Variants in TRANK1 observed in about 807,000 individuals in gnomAD.
TRANK1 encodes the protein tetratricopeptide repeat and ankyrin repeat containing 1, also known as TPR and ankyrin repeat-containing protein 1.
A neutral mutation model predicts 266.0 loss-of-function variants in TRANK1; 198 were observed. The ratio of observed to expected loss-of-function variants is 0.74; its 90% CI spans 0.66 to 0.84. The LOEUF (loss-of-function observed/expected upper bound fraction) is 0.84. Ranked by LOEUF, TRANK1 falls within the 40% of genes least tolerant of loss-of-function variation. TRANK1 has a pLI of 0.00. For synonymous variants in TRANK1, 1,396 were observed against 1,384.1 expected (o/e 1.01, Z -0.19); for missense variants, 3,326 against 3,634.6 (o/e 0.92, Z 2.18).
chr3:36,875,343 GAGGCAGGACA>G (rs1385234063), intron 8 of TRANK1, among the ~76,000 whole-genome samples: 3 of 152,204 alleles, frequency 2.0e-5, no homozygotes, highest in Non-Finnish European at 4.4e-5. Flanking sequence ...GAAGATACAA[GAGGCAGGACA>G]AGGAATGTGT....
intron 10 of TRANK1, among the ~76,000 whole-genome samples, chr3:36,864,019 G>A (rs2079179055): frequency 6.6e-6 from 1 of 152,126 alleles, no homozygotes; most frequent in African/African-American, 2.4e-5. Flanking sequence ...ACATTAGCCA[G>A]TATCTACAGA....
At chr3:36,927,704 G>C (rs1320125442) in intron 1 of TRANK1, among the ~76,000 whole-genome samples, 1 of 152,236 alleles carries the variant, frequency 6.6e-6, no homozygotes, top group Non-Finnish European at 1.5e-5. Flanking sequence ...TGACAGTGCA[G>C]ATCTAGAGAA....
In TRANK1 at chr3:36,903,980, AC is replaced by A. The variant is rs769218820; in HGVS notation, c.156-706del. On this transcript the variant is annotated intron_variant, in intron 2 of 23. Transcript: ENST00000645898. ...TTCTTTTTTATTTAATATCTTTGAG[AC>A]AGAGTCTCACTCTGTCGCCCAAGCT... 4.6e-3 allele frequency among the ~76,000 whole-genome samples: 695 copies of A among 152,246 alleles called. 4 individuals carry two copies. Among genetic ancestry groups the A allele is most frequent in the Non-Finnish European group, 7.9e-3 (538 of 68,016 alleles).
intron 21 of TRANK1, 31 bp from the exon 22 acceptor site, chr3:36,833,950 T>C (rs1054922831): frequency 1.3e-6 from 2 of 1,557,282 alleles, no homozygotes; most frequent in Non-Finnish European, 1.7e-6. Context: ...AATGTCAACT[T>C]GCCATCACCC....
At chr3:36,945,569 G>A (rs2080561758), upstream of TRANK1, among the ~76,000 whole-genome samples, 1 of 152,186 alleles carries the variant, frequency 6.6e-6, no homozygotes, top group African/African-American at 2.4e-5. Context: ...GAGAGTAAGT[G>A]CGCACAGGCC....
chr3:36,884,887 C>T (rs1172658186), intron 8 of TRANK1, among the ~76,000 whole-genome samples: 1 of 149,014 alleles, frequency 6.7e-6, no homozygotes, highest in South Asian at 2.1e-4. Flanking sequence ...GAGCTGAGAT[C>T]GCGCCACTGC....
At chr3:36,899,035 G>A (rs769870234) in intron 4 of TRANK1, 74 bp downstream of exon 4, 3 of 1,465,200 alleles carry the variant, frequency 2.0e-6, no homozygotes, top group Non-Finnish European at 9.1e-7. Context: ...ATCTCCCCAT[G>A]AGCCTGAGTC....
In TRANK1 at chr3:36,832,985, T is replaced by C. The variant is rs1032035083; in HGVS notation, c.6598A>G (p.Lys2200Glu). The C allele has an allele frequency of 6.2e-7, 1 of 1,611,388 alleles. No individual in the cohort carries two copies. The highest frequency in any genetic ancestry group is 1.3e-5 in the African/African-American group (1 of 74,882). Residue 2200 changes from lysine (K) to glutamate (E), a missense_variant, in exon 22 of 24, where the codon AAA (lysine) becomes GAA (glutamate). By Grantham distance (56) the Lys-to-Glu change is moderately conservative. Coordinates refer to ENST00000645898, the MANE Select transcript of TRANK1 (RefSeq NM_001329998.2). The part of the protein sequence containing the change: ...GVCMRFIVGL[K>E]CEDENCEHFH... Reference sequence around the variant, plus strand: ...TGTTCACAGTTTTCATCCTCACATTTTAAGCCTACAATAAACCTCATGCAG... The same window carrying C: ...TGTTCACAGTTTTCATCCTCACATTCTAAGCCTACAATAAACCTCATGCAG...
In TRANK1 at chr3:36,857,368, T is replaced by C. The variant is rs749261841; in HGVS notation, c.2354A>G (p.Glu785Gly). 1 of 1,608,108 alleles carries C rather than the reference T, an allele frequency of 6.2e-7. No individual in the cohort carries two copies. The highest frequency in any genetic ancestry group is 8.5e-7 in the Non-Finnish European group (1 of 1,177,184). Residue 785 changes from glutamate to glycine, a missense_variant, in exon 13 of 24, where the codon GAG becomes GGG. Coordinates refer to ENST00000645898, the MANE Select transcript of TRANK1 (RefSeq NM_001329998.2). The surrounding 1 kb of genome is among the most constrained non-coding windows in gnomAD (Gnocchi z 4.3). ...TLGAGAPDCS[E>G]VGEGHAQVGL... ...CACCTGAGCATGTCCTTCCCCCACCTCACTACAGTCAGGGGCCCCTGCACC... is the reference window on the plus strand; with the variant it reads ...CACCTGAGCATGTCCTTCCCCCACCCCACTACAGTCAGGGGCCCCTGCACC...
chr3:36,893,059 A>G, intron 5 of TRANK1, 75 bp from the exon 6 acceptor site: 1 of 789,542 alleles, frequency 1.3e-6, no homozygotes, highest in South Asian at 2.8e-5. Context: ...AAGTTATTTT[A>G]AGCTTTAAAA....
chr3:36,834,024 G>T, intron 21 of TRANK1, 105 bp from the exon 22 acceptor site: 2 of 1,161,040 alleles, frequency 1.7e-6, no homozygotes, highest in Non-Finnish European at 1.2e-6. Flanking sequence ...CCCACATGTA[G>T]ATATTACAAA....
At chr3:36,863,511 T>C (rs1210027620) in intron 10 of TRANK1, among the ~76,000 whole-genome samples, 1 of 152,198 alleles carries the variant, frequency 6.6e-6, no homozygotes, top group African/African-American at 2.4e-5. Flanking sequence ...GACTCACTGA[T>C]ACCTAAGAAA....
rs377064902 is a variant in TRANK1 at position 36,886,679 on chromosome 3, G to A, written c.907+3150C>T. Among the ~76,000 whole-genome samples, 74 of 152,070 alleles carry A rather than the reference G, an allele frequency of 4.9e-4. 1 individual carries two copies. The East Asian group carries it at 0.013, about 27-fold the overall frequency. ...TGTAATCCCAGCACTTTGGGAGGCT[G>A]AGGCTGGCGGATCACAAGGTCAGGA... is the stretch of plus-strand genomic sequence containing the variant. On this transcript the variant is annotated intron_variant, in intron 8 of 23. Coordinates refer to ENST00000645898, the MANE Select transcript of TRANK1 (RefSeq NM_001329998.2).
rs1427959576 is a variant in TRANK1 at position 36,879,605 on chromosome 3, TATAA to T, written c.908-5313_908-5310del. Among the ~76,000 whole-genome samples, 11 of 118,534 alleles carry T rather than the reference TATAA, an allele frequency of 9.3e-5. 2 individuals carry two copies. The highest frequency in any genetic ancestry group is 3.8e-4 in the Admixed American group (4 of 10,482). The allele number at this position is 118,534 out of a possible 152,430, so 77.8% of individuals were successfully genotyped here. A position where few individuals can be genotyped will look rare whatever the true frequency, so the allele number is the denominator to read the frequency against. Reference sequence around the variant, plus strand: ...ATAAATATACAAATATATAAATATATATAAATATACAAATATATATAAATATATA... The same window carrying T: ...ATAAATATACAAATATATAAATATATATATACAAATATATATAAATATATA... On this transcript the variant is annotated intron_variant, in intron 8 of 23. Coordinates refer to ENST00000645898, the MANE Select transcript of TRANK1 (RefSeq NM_001329998.2).
chr3:36,900,758 TG>T (rs1427304080), intron 3 of TRANK1, among the ~76,000 whole-genome samples: 5 of 148,916 alleles, frequency 3.4e-5, no homozygotes, highest in African/African-American at 1.2e-4. Flanking sequence ...GGTGCAAGCC[TG>T]TAGTCCCAGC....
chr3:36,891,232 C>CG (rs2079690103), intron 7 of TRANK1, among the ~76,000 whole-genome samples: 4 of 152,142 alleles, frequency 2.6e-5, no homozygotes, highest in South Asian at 2.1e-4. Context: ...CCCAGATACT[C>CG]GGGGGGCTGA....
intron 8 of TRANK1, among the ~76,000 whole-genome samples, chr3:36,874,790 A>G (rs1021098143): frequency 2.0e-5 from 3 of 152,076 alleles, no homozygotes; most frequent in African/African-American, 7.2e-5. Flanking sequence ...TGCCAACTCC[A>G]TTTGCTGCTC....
intron 10 of TRANK1, among the ~76,000 whole-genome samples, chr3:36,862,236 A>T (rs183333248): frequency 6.6e-6 from 1 of 152,322 alleles, no homozygotes; most frequent in African/African-American, 2.4e-5. Context: ...CCTACCACTA[A>T]GAAAGCAGGG....
At chr3:36,862,459 G>A (rs2079155464) in intron 10 of TRANK1, among the ~76,000 whole-genome samples, 1 of 152,022 alleles carries the variant, frequency 6.6e-6, no homozygotes, top group Admixed American at 6.6e-5. Flanking sequence ...AGTGTAAAAG[G>A]CAAACTATTT....
Sources: allele counts gnomAD v4.1 joint callset (sites outside exome capture counted in the v4.1 genomes callset), GRCh38; gene constraint gnomAD v4.1.1; non-coding constraint Gnocchi (gnomAD v3.1); transcripts MANE v1.5; gene names NCBI Gene and HGNC (gene_info 2026-07-23, HGNC 2026-07-21).